The following ZNF559 variants were observed in gnomAD, a reference collection of about 807,000 sequenced individuals.
The protein encoded by ZNF559 is zinc finger protein 559, also known as putative protein product of Nbla00121.
In ZNF559, 17 loss-of-function variants were observed where a neutral mutation model predicts 14.2. The observed-to-expected ratio is 1.20, with a 90% CI of 0.82 to 1.80. ZNF559 has a LOEUF of 1.80. Among genes scored for constraint, ZNF559 ranks in the 40% most tolerant of loss-of-function variants. The pLI, the probability that ZNF559 is intolerant of heterozygous loss-of-function variation, is 0.00. For synonymous variants in ZNF559, 244 were observed against 212.4 expected (o/e 1.15, Z -1.29); for missense variants, 740 against 629.7 (o/e 1.18, Z -1.88).
chr19:9,334,398 C>G (rs1050811787), intron 2 of ZNF559, among the ~76,000 whole-genome samples: 1 of 152,108 alleles, frequency 6.6e-6, no homozygotes, highest in Admixed American at 6.5e-5. Context: ...GATATTCAAC[C>G]TGTATTATGG....
At chr19:9,338,030 T>G (rs769323654) in intron 3 of ZNF559, 172 bp downstream of exon 3, 18 of 1,534,430 alleles carry the variant, frequency 1.2e-5, no homozygotes, top group East Asian at 4.9e-5. Flanking sequence ...AAGTCCGTAT[T>G]GATGGTCCTT....
chr19:9,342,318 A>G lies in ZNF559; in HGVS notation c.867A>G (p.Arg289=). ...AFSPDLAKHI[R]LRTRGKHYVC... ...CCCCAGATCTTGCTAAACATATAAG[A>G]CTTAGAACTAGAGGAAAACACTATG... Residue 289 remains arginine, a synonymous_variant, in exon 7 of 7, where the codon AGA becomes AGG. Transcript: ENST00000603380. 1 of 1,600,340 alleles carries G rather than the reference A, an allele frequency of 6.2e-7. No homozygotes were observed. Among genetic ancestry groups the G allele is most frequent in the Non-Finnish European group, 8.5e-7 (1 of 1,175,038 alleles).
rs2066431211 is a variant in ZNF559, at chr19:9,324,195, C to T, written c.-239C>T. On this transcript the variant is annotated 5_prime_UTR_variant, in exon 1 of 7. Transcript: ENST00000603380. The stretch of plus-strand genomic sequence containing the variant: ...CGTGGGCGCATGCGCATAACGGCCG[C>T]CATCTTAACAGCGCGTTCCCGTTGG... 6.5e-7 allele frequency: 1 copy of T among 1,535,966 alleles called. No homozygotes were observed. The highest frequency in any genetic ancestry group is 1.4e-5 in the African/African-American group (1 of 73,054).
intron 2 of ZNF559, among the ~76,000 whole-genome samples, chr19:9,326,105 A>ATTTTTTTT (rs71183701): frequency 1.4e-5 from 1 of 73,696 alleles, no homozygotes; most frequent in African/African-American, 4.9e-5. Context: ...TATTCACCTG[A>ATTTTTTTT]TTTTTTTTTT....
rs561995774 is a variant in ZNF559 at position 9,324,246 on chromosome 19, G to T, written c.-206+18G>T. The T allele has an allele frequency of 1.5e-5, 23 of 1,536,112 alleles. No individual in the cohort carries two copies. In the South Asian group the frequency reaches 2.4e-4, roughly 16 times the overall value. ...CGTCTGAGGTAAGTTTTTGTTTCTG[G>T]GCGGCGTTCGGTGGTGTCCCGGTGC... On this transcript the variant is annotated intron_variant, in intron 1 of 6. Transcript: ENST00000603380.
intron 6 of ZNF559, 34 bp downstream of exon 6, chr19:9,341,218 A>G (rs1309961041): frequency 1.3e-6 from 2 of 1,574,152 alleles, no homozygotes; most frequent in Admixed American, 1.7e-5. Context: ...ATTGTCTTCC[A>G]TGTTAGAGGA....
chr19:9,328,278 T>C (rs1001241477), intron 2 of ZNF559, among the ~76,000 whole-genome samples: 7 of 151,888 alleles, frequency 4.6e-5, no homozygotes, highest in African/African-American at 1.7e-4. Context: ...AGTTCAAACA[T>C]TTGCTTGAAC....
chr19:9,323,950 G>T, upstream of ZNF559: 1 of 567,986 alleles, frequency 1.8e-6, no homozygotes, highest in Non-Finnish European at 3.1e-6. Context: ...TTCTTTCTTT[G>T]CTTTGCTGGG....
At chr19:9,324,251 C>G in intron 1 of ZNF559, 23 bp downstream of exon 1, 1 of 1,536,048 alleles carries the variant, frequency 6.5e-7, no homozygotes, top group Non-Finnish European at 8.7e-7. Context: ...TTCTGGGCGG[C>G]GTTCGGTGGT....
Position 9,343,284 on chromosome 19 carries a change from G to A in ZNF559, c.*216G>A. ...TCCTTCCATAGGCCTTACTATTCAT[G>A]TGTCTGTGCATCCTAGGAAACAAAC... On this transcript the variant is annotated 3_prime_UTR_variant, in exon 7 of 7. Transcript: ENST00000603380. 7.4e-7 allele frequency: 1 copy of A among 1,355,528 alleles called. No individual in the cohort carries two copies. Among genetic ancestry groups the A allele is most frequent in the Non-Finnish European group, 9.5e-7 (1 of 1,054,202 alleles). 84.0% of individuals were successfully genotyped at this position (1,355,528 alleles called of 1,614,324 possible).
At position 9,342,964 on chromosome 19, in the gene ZNF559, T is replaced by C; in HGVS notation, c.1513T>C (p.Ser505Pro). The C allele has an allele frequency of 6.2e-7, 1 of 1,614,222 alleles. No homozygotes were observed. The highest frequency in any genetic ancestry group is 8.5e-7 in the Non-Finnish European group (1 of 1,180,032). ...GGAATGTGGGAAAGCCTTTACTCGG[T>C]CCACATATCTTATTCGACATCTAAG... ...CQECGKAFTRSTYLIRHLRSH... is the reference protein window; with the variant it reads ...CQECGKAFTRPTYLIRHLRSH... Residue 505 changes from serine (S) to proline (P), a missense_variant, in exon 7 of 7, where the codon TCC becomes CCC. Coordinates refer to ENST00000603380, the MANE Select transcript of ZNF559 (RefSeq NM_032497.3).
intron 6 of ZNF559, 70 bp from the exon 7 acceptor site, chr19:9,341,625 G>A: frequency 6.2e-7 from 1 of 1,601,692 alleles, no homozygotes; most frequent in Non-Finnish European, 8.5e-7. Context: ...AGAATTCAGA[G>A]TAAAAGGGAG....
chr19:9,331,302 T>G (rs2066923842), intron 2 of ZNF559, among the ~76,000 whole-genome samples: 1 of 152,200 alleles, frequency 6.6e-6, no homozygotes, highest in African/African-American at 2.4e-5. Context: ...TCTTGCTATG[T>G]TGCTCAGGTG....
At chr19:9,334,331 T>C (rs1156549832) in intron 2 of ZNF559, among the ~76,000 whole-genome samples, 1 of 152,234 alleles carries the variant, frequency 6.6e-6, no homozygotes, top group African/African-American at 2.4e-5. Context: ...TTGAGTGTCA[T>C]ATCTGTGCTC....
At chr19:9,341,508 C>T in intron 6 of ZNF559, 187 bp from the exon 7 acceptor site, 1 of 1,055,724 alleles carries the variant, frequency 9.5e-7, no homozygotes. Context: ...GAACTTCCTG[C>T]AGTCACTTTG....
chr19:9,341,045 C>T, intron 5 of ZNF559, 57 bp from the exon 6 acceptor site: 1 of 1,379,260 alleles, frequency 7.3e-7, no homozygotes, highest in Non-Finnish European at 1.0e-6. Context: ...ATTTTTAACA[C>T]CCTTTTTAAA....
intron 2 of ZNF559, among the ~76,000 whole-genome samples, chr19:9,332,426 G>A (rs2066988560): frequency 6.6e-6 from 1 of 151,768 alleles, no homozygotes; most frequent in Admixed American, 6.6e-5. Context: ...TCTCTGCTCT[G>A]CAACCAGCCT....
At position 9,342,199 on chromosome 19, in the gene ZNF559, T is replaced by C. The variant is rs373059338; in HGVS notation, c.748T>C (p.Phe250Leu). Residue 250 changes from phenylalanine (F) to leucine (L), a missense_variant, in exon 7 of 7, where the codon TTC becomes CTC. Transcript: ENST00000603380. ...FYECKACGKP[F>L]TESSYLTQHL... ...TGAATGTAAAGCATGTGGGAAACCCTTCACTGAGTCGTCATATCTTACTCA... is the reference window on the plus strand; with the variant it reads ...TGAATGTAAAGCATGTGGGAAACCCCTCACTGAGTCGTCATATCTTACTCA... 1.2e-6 allele frequency: 2 copies of C among 1,603,326 alleles called. No individual in the cohort carries two copies. Among genetic ancestry groups the C allele is most frequent in the Non-Finnish European group, 8.5e-7 (1 of 1,176,528 alleles).
intron 2 of ZNF559, among the ~76,000 whole-genome samples, chr19:9,325,056 G>T (rs1244504329): frequency 1.3e-5 from 2 of 152,170 alleles, no homozygotes; most frequent in Non-Finnish European, 2.9e-5. Flanking sequence ...CCAGGAACAC[G>T]GTGCGGGCTG....
Sources: gnomAD v4.1 joint callset for allele counts (sites outside exome capture counted in the v4.1 genomes callset) on GRCh38, gnomAD v4.1.1 for gene constraint, MANE v1.5 for transcripts, NCBI Gene and HGNC (gene_info 2026-07-23, HGNC 2026-07-21) for gene names.